Variants in TANC1 observed in about 807,000 individuals in gnomAD.
TANC1 encodes protein TANC1.
TANC1 carries 77 observed loss-of-function variants against 149.7 expected under a neutral mutation model. The ratio of observed to expected loss-of-function variants is 0.51; its 90% CI spans 0.43 to 0.62. The LOEUF is 0.62. Among genes scored for constraint, TANC1 ranks in the 20% least tolerant of loss-of-function variants. TANC1 has a pLI of 0.00. For missense variants in TANC1, 1,985 were observed against 2,321.8 expected (o/e 0.85, Z 2.98); for synonymous variants, 854 against 925.0 (o/e 0.92, Z 1.39).
intron 20 of TANC1, among the ~76,000 whole-genome samples, chr2:159,218,135 G>A (rs1228880085): frequency 6.6e-6 from 1 of 152,128 alleles, no homozygotes; most frequent in Non-Finnish European, 1.5e-5. Flanking sequence ...ATTCAAGGGA[G>A]CAGGGAATCC....
At chr2:159,064,812 A>G (rs145320664) in intron 2 of TANC1, among the ~76,000 whole-genome samples, 73 of 152,234 alleles carry the variant, frequency 4.8e-4, no homozygotes, top group Non-Finnish European at 1.5e-4. Context: ...GGTGTGTTAC[A>G]CTGAGGCCAT....
chr2:159,049,159 A>G (rs2041288472), intron 2 of TANC1, among the ~76,000 whole-genome samples: 1 of 152,104 alleles, frequency 6.6e-6, no homozygotes, highest in Non-Finnish European at 1.5e-5. Context: ...ACATAGATAA[A>G]CTCAATCTAT....
At chr2:159,217,786 G>A (rs73967246) in intron 20 of TANC1, among the ~76,000 whole-genome samples, 156 bp downstream of exon 20, 4,008 of 152,252 alleles carry the variant, frequency 0.026, 163 homozygotes, top group African/African-American at 0.087. Context: ...ATAGAGCCAC[G>A]TTTGACAAGA....
At position 159,031,493 on chromosome 2, in the gene TANC1, G is replaced by C. The variant is rs554997857; in HGVS notation, c.-16+30304G>C. On this transcript the variant is annotated intron_variant, in intron 2 of 26. Transcript: ENST00000263635. ...CTTGAAAACTGAGAATTACTTATGT[G>C]AATCTGGAAGTGGATGTAGTTTTAA... Among the ~76,000 whole-genome samples, 77 of 152,306 alleles carry C rather than the reference G, an allele frequency of 5.1e-4. 1 individual carries two copies. The South Asian group carries it at 0.015, about 29-fold the overall frequency.
chr2:159,221,911 G>C (rs2059731626), intron 22 of TANC1, among the ~76,000 whole-genome samples: 1 of 152,194 alleles, frequency 6.6e-6, no homozygotes, highest in Admixed American at 6.5e-5. Context: ...GCAGGTGCCA[G>C]AGAAATGGTC....
At chr2:159,133,265 T>C (rs1370791112) in intron 4 of TANC1, among the ~76,000 whole-genome samples, 3 of 151,886 alleles carry the variant, frequency 2.0e-5, no homozygotes, top group Non-Finnish European at 4.4e-5. Context: ...GAAGGGAAAA[T>C]ATGTCAGCAG....
chr2:159,156,140 T>C (rs545665057), intron 7 of TANC1, among the ~76,000 whole-genome samples: 21 of 152,372 alleles, frequency 1.4e-4, no homozygotes, highest in African/African-American at 4.8e-4. Context: ...TGTTGCCACC[T>C]GTATCGCCCT....
chr2:158,980,639 G>A (rs576329117), intron 1 of TANC1, among the ~76,000 whole-genome samples: 1 of 152,098 alleles, frequency 6.6e-6, no homozygotes, highest in Non-Finnish European at 1.5e-5. Flanking sequence ...GCCGGGCATG[G>A]TGGCGGGCAC....
intron 2 of TANC1, chr2:159,004,300 C>T (rs1434106388): frequency 6.2e-7 from 1 of 1,611,830 alleles, no homozygotes; most frequent in Non-Finnish European, 8.5e-7. Flanking sequence ...TTTGATGAGG[C>T]ATCAAAGAAT....
intron 4 of TANC1, among the ~76,000 whole-genome samples, chr2:159,125,585 C>CCCTCCCTCCCTTCCTT (rs1231521085): frequency 5.8e-5 from 8 of 137,766 alleles, no homozygotes; most frequent in Non-Finnish European, 8.0e-5. Context: ...CTCCCTCCCT[C>CCCTCCCTCCCTTCCTT]CCTTCCTTCC....
chr2:159,150,199 T>C, intron 6 of TANC1, 171 bp from the exon 7 acceptor site: 1 of 562,208 alleles, frequency 1.8e-6, no homozygotes. Context: ...TATACATTTA[T>C]ATAGATAAAG....
chr2:159,140,246 A>G (rs2051212499), intron 5 of TANC1, among the ~76,000 whole-genome samples: 1 of 152,064 alleles, frequency 6.6e-6, no homozygotes, highest in African/African-American at 2.4e-5. Flanking sequence ...GAAAAAAAGA[A>G]TATGATTGAA....
At chr2:159,065,453 A>G (rs541235522) in intron 2 of TANC1, among the ~76,000 whole-genome samples, 1 of 152,326 alleles carries the variant, frequency 6.6e-6, no homozygotes, top group Non-Finnish European at 1.5e-5. Flanking sequence ...GTGATTATAT[A>G]ATTAGTAACA....
At chr2:159,133,776 T>A (rs969773000) in intron 4 of TANC1, among the ~76,000 whole-genome samples, 2 of 152,186 alleles carry the variant, frequency 1.3e-5, no homozygotes, top group African/African-American at 4.8e-5. Flanking sequence ...TATGACAGGG[T>A]TAAATTATGA....
At position 159,218,819 on chromosome 2, in the gene TANC1, A is replaced by AC. The variant is rs574954088; in HGVS notation, c.3379-414dup. The stretch of plus-strand genomic sequence containing the variant: ...TGTGGTGGGCGAGCTTCTTTCTGCG[A>AC]CCCCCTCATGCCCTGCACTCAGCTG... On this transcript the variant is annotated intron_variant, in intron 20 of 26. Transcript: ENST00000263635. 6.0e-5 allele frequency among the ~76,000 whole-genome samples: 9 copies of AC among 150,588 alleles called. No homozygotes were observed. The South Asian group carries it at 1.9e-3, about 32-fold the overall frequency.
chr2:159,161,032 G>A (rs540904582), intron 7 of TANC1, among the ~76,000 whole-genome samples: 1 of 152,138 alleles, frequency 6.6e-6, no homozygotes, highest in Non-Finnish European at 1.5e-5. Context: ...CTGCCAGTGA[G>A]AGCCACACCT....
chr2:159,175,006 C>G lies in TANC1; in HGVS notation c.1557C>G (p.Pro519=), dbSNP rs372829621. The G allele has an allele frequency of 5.0e-6, 8 of 1,614,042 alleles. No individual in the cohort carries two copies. Among genetic ancestry groups the G allele is most frequent in the Non-Finnish European group, 8.5e-7 (1 of 1,180,038 alleles). The change falls in exon 12 of 27, where the codon CCC becomes CCG. Residue 519 remains proline, a synonymous_variant. Coordinates refer to ENST00000263635, the MANE Select transcript of TANC1 (RefSeq NM_033394.3). The part of the protein sequence containing the change: ...QADNTYTCLV[P]EFVHSIAALL... The stretch of plus-strand genomic sequence containing the variant: ...ACAACACGTACACTTGCCTGGTGCC[C>G]GAGTTTGTGCACAGCATCGCAGCTT...
intron 5 of TANC1, among the ~76,000 whole-genome samples, chr2:159,138,867 T>C (rs539986792): frequency 1.3e-4 from 20 of 152,374 alleles, no homozygotes; most frequent in African/African-American, 4.8e-4. Context: ...GCCTCACTTT[T>C]GCTTTGGTCA....
chr2:159,188,674 A>G (rs531828336), intron 16 of TANC1, among the ~76,000 whole-genome samples: 7 of 152,360 alleles, frequency 4.6e-5, no homozygotes, highest in African/African-American at 1.7e-4. Flanking sequence ...ACACATTTTA[A>G]AACAATTGTG....
Sources: gnomAD v4.1 joint callset for allele counts (sites outside exome capture counted in the v4.1 genomes callset) on GRCh38, gnomAD v4.1.1 for gene constraint, MANE v1.5 for transcripts, NCBI Gene and HGNC (gene_info 2026-07-23, HGNC 2026-07-21) for gene names.